Variants in GABRB1 observed in about 807,000 individuals in gnomAD.
GABRB1 encodes the protein gamma-aminobutyric acid receptor subunit beta-1.
A neutral mutation model predicts 51.6 loss-of-function variants in GABRB1; 17 were observed. The observed-to-expected ratio is 0.33, with a 90% CI of 0.23 to 0.49. The LOEUF (loss-of-function observed/expected upper bound fraction) is 0.49, where lower values mean the gene tolerates loss of function less well. Among genes scored for constraint, GABRB1 ranks in the 20% least tolerant of loss-of-function variants. GABRB1 has a pLI of 0.99. For missense variants in GABRB1, 410 were observed against 600.6 expected, an observed-to-expected ratio of 0.68 and a Z score of 3.32; for synonymous variants, 247 against 218.9, an observed-to-expected ratio of 1.13 and a Z score of -1.14.
chr4:47,046,810 C>T (rs995023795), intron 3 of GABRB1, among the ~76,000 whole-genome samples: 15 of 152,176 alleles, frequency 9.9e-5, no homozygotes, highest in African/African-American at 3.4e-4. Flanking sequence ...TACTATGCAG[C>T]CTTAAAAAAT....
At chr4:47,299,450 A>C (rs1724153544) in intron 4 of GABRB1, among the ~76,000 whole-genome samples, 1 of 152,234 alleles carries the variant, frequency 6.6e-6, no homozygotes, top group Non-Finnish European at 1.5e-5. Context: ...GACACTTCTC[A>C]AAAGAAGACA....
chr4:47,379,837 C>G (rs1339511680), intron 5 of GABRB1, among the ~76,000 whole-genome samples: 1 of 152,108 alleles, frequency 6.6e-6, no homozygotes, highest in Non-Finnish European at 1.5e-5. Flanking sequence ...ATTTTGGAAA[C>G]AGACTAATAC....
intron 4 of GABRB1, among the ~76,000 whole-genome samples, chr4:47,201,949 C>T (rs1241041954): frequency 1.3e-5 from 2 of 152,040 alleles, no homozygotes. Context: ...GGACGTGGAT[C>T]CCCCAACCCC....
chr4:47,290,746 C>T (rs914446296), intron 4 of GABRB1, among the ~76,000 whole-genome samples: 4 of 152,086 alleles, frequency 2.6e-5, no homozygotes, highest in Non-Finnish European at 4.4e-5. Context: ...CGGCATTTTG[C>T]CCCTGCCCTA....
At chr4:47,115,425 T>C (rs148571059) in intron 3 of GABRB1, among the ~76,000 whole-genome samples, 157 of 152,220 alleles carry the variant, frequency 1.0e-3, no homozygotes, top group African/African-American at 3.5e-3. Context: ...TTTTTCTTCT[T>C]TTTTGGAAAA....
At chr4:47,331,752 A>G (rs1028081283) in intron 5 of GABRB1, among the ~76,000 whole-genome samples, 1 of 152,164 alleles carries the variant, frequency 6.6e-6, no homozygotes, top group Admixed American at 6.6e-5. Flanking sequence ...GATAATAACA[A>G]TATCTAATAT....
At chr4:47,051,137 C>G (rs899169661) in intron 3 of GABRB1, among the ~76,000 whole-genome samples, 15 of 152,112 alleles carry the variant, frequency 9.9e-5, no homozygotes, top group Non-Finnish European at 2.1e-4. Context: ...TTCTAACTCC[C>G]TGAGACTGGC....
At chr4:47,292,301 T>A (rs746903062) in intron 4 of GABRB1, among the ~76,000 whole-genome samples, 4 of 152,236 alleles carry the variant, frequency 2.6e-5, no homozygotes. Flanking sequence ...GTAAGTCCAA[T>A]AAACCTCTTT....
At chr4:47,299,474 A>C (rs891732921) in intron 4 of GABRB1, among the ~76,000 whole-genome samples, 4 of 152,268 alleles carry the variant, frequency 2.6e-5, no homozygotes, top group South Asian at 4.1e-4. Context: ...ATGCAGCCAA[A>C]AAACACATGA....
intron 3 of GABRB1, among the ~76,000 whole-genome samples, chr4:47,047,087 C>T (rs1376130680): frequency 6.6e-6 from 1 of 151,952 alleles, no homozygotes; most frequent in Non-Finnish European, 1.5e-5. Context: ...ACAACAAACC[C>T]CCTGGACACA....
chr4:47,069,860 T>A (rs1181989203), intron 3 of GABRB1, among the ~76,000 whole-genome samples: 3 of 152,136 alleles, frequency 2.0e-5, no homozygotes, highest in South Asian at 2.1e-4. Flanking sequence ...TTTCTTTCCA[T>A]GCATTTCCTT....
chr4:47,367,704 G>A (rs1443420802), intron 5 of GABRB1, among the ~76,000 whole-genome samples: 1 of 152,168 alleles, frequency 6.6e-6, no homozygotes, highest in Non-Finnish European at 1.5e-5. Flanking sequence ...ACATTGCCCT[G>A]TATATTAGGT....
chr4:47,108,647 C>A, intron 3 of GABRB1, among the ~76,000 whole-genome samples: 1 of 152,102 alleles, frequency 6.6e-6, no homozygotes, highest in Middle Eastern at 3.4e-3. Flanking sequence ...TTTATAATTA[C>A]ATGTTATAAT....
chr4:47,045,355 T>G (rs780884335), intron 3 of GABRB1, among the ~76,000 whole-genome samples: 1 of 152,028 alleles, frequency 6.6e-6, no homozygotes, highest in African/African-American at 2.4e-5. Flanking sequence ...AATGAGATAA[T>G]GTGTACAAAT....
chr4:47,346,142 G>C lies in GABRB1; in HGVS notation c.544+25933G>C, dbSNP rs12163803. Among the ~76,000 whole-genome samples the C allele has an allele frequency of 1.3e-4, 20 of 152,308 alleles. No individual in the cohort carries two copies. In the East Asian group the frequency reaches 3.7e-3, roughly 28 times the overall value. Reference sequence around the variant, plus strand: ...TATAGCACAGAAAGCCAAGCTGTTGGAGAAACTGGGCAGCACTGTAAGTGT... The same window carrying C: ...TATAGCACAGAAAGCCAAGCTGTTGCAGAAACTGGGCAGCACTGTAAGTGT... On this transcript the variant is annotated intron_variant, in intron 5 of 8. Transcript: ENST00000295454.
intron 5 of GABRB1, among the ~76,000 whole-genome samples, chr4:47,341,678 A>T (rs1725905596): frequency 6.6e-6 from 1 of 151,844 alleles, no homozygotes; most frequent in Admixed American, 6.6e-5. Flanking sequence ...CCTTCTAATC[A>T]TTTTTTTTCG....
chr4:47,175,720 G>A (rs2109762118), intron 4 of GABRB1, among the ~76,000 whole-genome samples: 2 of 152,298 alleles, frequency 1.3e-5, no homozygotes, highest in South Asian at 4.1e-4. Flanking sequence ...CAGTATTATG[G>A]ATAATACTTT....
rs753609202 is a variant in GABRB1 at position 47,403,668 on chromosome 4, T to C, written c.792T>C (p.Ser264=). ...STLITILSWV[S]FWINYDASAA... is the part of the protein sequence containing the mutation. Reference sequence around the variant, plus strand: ...TGATTACAATTCTGTCCTGGGTGTCTTTTTGGATCAACTATGATGCATCTG... The same window carrying C: ...TGATTACAATTCTGTCCTGGGTGTCCTTTTGGATCAACTATGATGCATCTG... The change falls in exon 7 of 9, where the codon TCT becomes TCC. Residue 264 remains serine, a synonymous_variant. Coordinates refer to ENST00000295454, the MANE Select transcript of GABRB1 (RefSeq NM_000812.4). 3.3e-5 allele frequency: 53 copies of C among 1,613,576 alleles called. No homozygotes were observed. Among genetic ancestry groups the C allele is most frequent in the Non-Finnish European group, 4.2e-5 (49 of 1,179,866 alleles).
intron 4 of GABRB1, among the ~76,000 whole-genome samples, chr4:47,283,356 CTTTTTTTTTTTTTTTTTTTTTTTTTTTTT>C (rs570311247): frequency 2.3e-3 from 177 of 77,294 alleles, no homozygotes; most frequent in Middle Eastern, 0.017. Context: ...CTGGTGGCCC[CTTTTTTTTTTTTTTTTTTTTTTTTTTTTT>C]TTTTTTTTTT....
Sources: allele counts gnomAD v4.1 joint callset (sites outside exome capture counted in the v4.1 genomes callset), GRCh38; gene constraint gnomAD v4.1.1; transcripts MANE v1.5; gene names NCBI Gene and HGNC (gene_info 2026-07-23, HGNC 2026-07-21).